Variants in PRKDC observed in about 807,000 individuals in gnomAD.
PRKDC encodes DNA-dependent protein kinase catalytic subunit.
Under a neutral mutation model 486.9 loss-of-function variants are expected in PRKDC, and 82 were observed. That is an observed-to-expected ratio of 0.17 (90% confidence interval 0.14 to 0.20). The LOEUF is 0.20. Among genes scored for constraint, PRKDC ranks in the 10% least tolerant of loss-of-function variants. PRKDC has a pLI of 1.00. For missense variants in PRKDC, 4,504 were observed against 5,038.2 expected (o/e 0.89, Z 3.21); for synonymous variants, 1,895 against 1,837.0 (o/e 1.03, Z -0.81).
chr8:47,834,714 G>A (rs539040804), intron 58 of PRKDC, among the ~76,000 whole-genome samples: 3 of 133,540 alleles, frequency 2.2e-5, no homozygotes, highest in African/African-American at 3.1e-5. Context: ...TTTTTGAGAC[G>A]GAGTCTCGCT....
intron 58 of PRKDC, 46 bp from the exon 59 acceptor site, chr8:47,834,442 T>A: frequency 1.3e-5 from 21 of 1,597,048 alleles, no homozygotes; most frequent in Non-Finnish European, 1.8e-5. Context: ...ATCACCCAGC[T>A]CTGTGCACGG....
chr8:47,918,078 C>T (rs1422646088), intron 22 of PRKDC, among the ~76,000 whole-genome samples, 199 bp downstream of exon 22: 2 of 152,164 alleles, frequency 1.3e-5, no homozygotes, highest in Non-Finnish European at 2.9e-5. Context: ...AGCGATCCAC[C>T]CACCTCACCC....
intron 10 of PRKDC, 164 bp from the exon 11 acceptor site, chr8:47,939,861 T>G: frequency 1.9e-6 from 1 of 535,840 alleles, no homozygotes; most frequent in Non-Finnish European, 3.0e-6. Context: ...GCTTAGTCTC[T>G]ATCAGGTTCA....
At chr8:47,903,416 C>T (rs2089721936) in intron 26 of PRKDC, among the ~76,000 whole-genome samples, 1 of 152,220 alleles carries the variant, frequency 6.6e-6, no homozygotes, top group Non-Finnish European at 1.5e-5. Context: ...AAAACGTACA[C>T]TCAACAATGA....
chr8:47,904,083 A>C (rs915652003), intron 26 of PRKDC, among the ~76,000 whole-genome samples: 7 of 152,182 alleles, frequency 4.6e-5, no homozygotes, highest in African/African-American at 7.2e-5. Flanking sequence ...TCAAAAAAAA[A>C]CTACAATTTA....
At chr8:47,825,663 G>C (rs2087723483) in intron 63 of PRKDC, among the ~76,000 whole-genome samples, 1 of 151,952 alleles carries the variant, frequency 6.6e-6, no homozygotes, top group Non-Finnish European at 1.5e-5. Flanking sequence ...CACTTACTTA[G>C]CAAATACACA....
At chr8:47,887,351 ATGT>A (rs1563786088) in intron 35 of PRKDC, among the ~76,000 whole-genome samples, 193 bp downstream of exon 35, 1 of 152,198 alleles carries the variant, frequency 6.6e-6, no homozygotes, top group Non-Finnish European at 1.5e-5. Context: ...TTTAAAAAGA[ATGT>A]TGTTCTATTC....
At chr8:47,791,921 C>T (rs1260858880) in intron 74 of PRKDC, among the ~76,000 whole-genome samples, 5 of 152,080 alleles carry the variant, frequency 3.3e-5, no homozygotes, top group African/African-American at 9.7e-5. Flanking sequence ...CTATTCACAA[C>T]GGCCAAAATT....
intron 50 of PRKDC, among the ~76,000 whole-genome samples, chr8:47,854,773 C>T (rs1233772584): frequency 6.6e-6 from 1 of 152,204 alleles, no homozygotes; most frequent in Non-Finnish European, 1.5e-5. Flanking sequence ...TCCCTGCTTG[C>T]TAATACCTCC....
chr8:47,904,779 C>G (rs754740539), intron 26 of PRKDC, 90 bp downstream of exon 26: 3 of 1,078,308 alleles, frequency 2.8e-6, no homozygotes, highest in Non-Finnish European at 4.1e-6. Flanking sequence ...GGCGACGGAG[C>G]AAGACTGTCT....
intron 27 of PRKDC, among the ~76,000 whole-genome samples, chr8:47,901,759 T>C (rs1382898009): frequency 2.6e-5 from 4 of 152,136 alleles, no homozygotes; most frequent in Non-Finnish European, 4.4e-5. Flanking sequence ...ATTTTTTTTT[T>C]CTTCATCTTT....
intron 14 of PRKDC, 76 bp from the exon 15 acceptor site, chr8:47,934,166 T>C: frequency 6.8e-7 from 1 of 1,468,734 alleles, no homozygotes; most frequent in Non-Finnish European, 9.1e-7. Context: ...CATGCTGGTT[T>C]TCAGAATTTT....
chr8:47,942,469 T>C (rs2090460506), intron 10 of PRKDC, among the ~76,000 whole-genome samples: 1 of 152,202 alleles, frequency 6.6e-6, no homozygotes, highest in Non-Finnish European at 1.5e-5. Context: ...CTCTCTCTTC[T>C]CCTTCCACAC....
chr8:47,887,821 C>T, intron 34 of PRKDC, 116 bp from the exon 35 acceptor site: 1 of 1,085,912 alleles, frequency 9.2e-7, no homozygotes, highest in Non-Finnish European at 1.3e-6. Context: ...AACTACCTTC[C>T]AATATTCAGA....
At chr8:47,924,083 G>A (rs1302247676) in intron 21 of PRKDC, among the ~76,000 whole-genome samples, 2 of 152,108 alleles carry the variant, frequency 1.3e-5, no homozygotes, top group South Asian at 4.1e-4. Context: ...GGGTTATAAC[G>A]TTTCTAAAGT....
At chr8:47,836,587 A>G (rs964983377) in intron 57 of PRKDC, 60 bp from the exon 58 acceptor site, 1 of 1,373,494 alleles carries the variant, frequency 7.3e-7, no homozygotes, top group East Asian at 2.5e-5. Flanking sequence ...CTCCTTTTTT[A>G]GGAACACTGA....
In PRKDC at chr8:47,821,797, T is replaced by C. The variant is rs2087603115; in HGVS notation, c.8923-5A>G. ...CCAGTCTTGTTTATTGAGAGCCTAG[T>C]GGAGAAAAGTTAATAAAATTATTTT... On this transcript the variant is annotated splice_polypyrimidine_tract_variant and splice_region_variant and intron_variant, in intron 64 of 85. Transcript: ENST00000314191. 6 of 1,535,074 alleles carry C rather than the reference T, an allele frequency of 3.9e-6. No individual in the cohort carries two copies. The South Asian group carries it at 7.7e-5, about 20-fold the overall frequency.
At chr8:47,914,426 C>T (rs150928035) in intron 23 of PRKDC, among the ~76,000 whole-genome samples, 1,724 of 152,042 alleles carry the variant, frequency 0.011, 18 homozygotes, top group Non-Finnish European at 0.02. Flanking sequence ...CCTAAATAAC[C>T]AAAAGTCACT....
At chr8:47,879,439 C>CA in intron 39 of PRKDC, 52 bp downstream of exon 39, 1 of 1,445,446 alleles carries the variant, frequency 6.9e-7, no homozygotes, top group African/African-American at 1.5e-5. Context: ...AGATATGTAA[C>CA]AAGAAAAAAA....
Sources: gnomAD v4.1 joint callset for allele counts (sites outside exome capture counted in the v4.1 genomes callset) on GRCh38, gnomAD v4.1.1 for gene constraint, MANE v1.5 for transcripts, NCBI Gene and HGNC (gene_info 2026-07-23, HGNC 2026-07-21) for gene names.